HERC2: variants seen among roughly 807,000 people sequenced by gnomAD.
HERC2 encodes the protein HECT and RLD domain containing E3 ubiquitin protein ligase 2.
A neutral mutation model predicts 537.7 loss-of-function variants in HERC2; 102 were observed. The observed-to-expected ratio is 0.19, with a 90% confidence interval of 0.16 to 0.22. The LOEUF (loss-of-function observed/expected upper bound fraction) is 0.22. Ranked by LOEUF, HERC2 falls within the 10% of genes least tolerant of loss-of-function variation. HERC2 has a pLI of 1.00. For synonymous variants in HERC2, 2,224 were observed against 2,466.2 expected (o/e 0.90, Z 2.91); for missense variants, 4,236 against 6,198.2 (o/e 0.68, Z 10.63).
At chr15:28,320,444 A>C (rs2077200657) in intron 2 of HERC2, 2 of 152,174 alleles carry the variant, frequency 1.3e-5, no homozygotes, top group African/African-American at 2.4e-5. Context: ...CTGGACTCTC[A>C]TATCTACCAA....
chr15:28,270,287 AATATAG>A (rs2075685436), intron 10 of HERC2, among the ~76,000 whole-genome samples: 2 of 151,232 alleles, frequency 1.3e-5, no homozygotes. Flanking sequence ...ACAGACATGT[AATATAG>A]ATATATAATA....
intron 20 of HERC2, among the ~76,000 whole-genome samples, chr15:28,249,814 A>AC (rs1356595525): frequency 6.9e-6 from 1 of 143,914 alleles, no homozygotes; most frequent in Non-Finnish European, 1.5e-5. Flanking sequence ...CGCCAAGCTA[A>AC]CTTTTTTTTT....
chr15:28,227,985 T>G (rs540323857), intron 35 of HERC2, among the ~76,000 whole-genome samples: 18 of 152,008 alleles, frequency 1.2e-4, no homozygotes, highest in African/African-American at 4.3e-4. Flanking sequence ...GGCTAAATGG[T>G]GTGCATTTAT....
rs1895208328 is a variant in HERC2 at position 28,175,665 on chromosome 15, A to C, written c.9687-9T>G. 6.2e-7 allele frequency: 1 copy of C among 1,613,968 alleles called. No homozygotes were observed. The highest frequency in any genetic ancestry group is 1.1e-5 in the South Asian group (1 of 91,076). ...AGTAATCCCCCTTTCCCCTGAGAGA[A>C]GGCCCATGGTGGAGAGTTACAATAC... On this transcript the variant is annotated splice_polypyrimidine_tract_variant and intron_variant, in intron 63 of 92. Coordinates refer to ENST00000261609, the MANE Select transcript of HERC2 (RefSeq NM_004667.6).
chr15:28,232,792 A>G (rs1176756051), intron 30 of HERC2, among the ~76,000 whole-genome samples: 4 of 152,224 alleles, frequency 2.6e-5, no homozygotes, highest in Non-Finnish European at 5.9e-5. Context: ...ATTTCTTTAG[A>G]AGAATGGCAA....
intron 80 of HERC2, among the ~76,000 whole-genome samples, 192 bp downstream of exon 80, chr15:28,132,461 A>T (rs1346369136): frequency 6.6e-6 from 1 of 152,228 alleles, no homozygotes; most frequent in Non-Finnish European, 1.5e-5. Context: ...CCGCAGGAGG[A>T]GGTATCAGCG....
Position 28,124,130 on chromosome 15 carries a change from G to A in HERC2, c.13095C>T (p.Pro4365=). The A allele has an allele frequency of 6.2e-7, 1 of 1,604,146 alleles. No individual in the cohort carries two copies. Among genetic ancestry groups the A allele is most frequent in the Non-Finnish European group, 8.5e-7 (1 of 1,175,248 alleles). ...HLSELFCPCI[P]MFDLEGSLDE... ...CGAGCGAGCCTTCCAGGTCGAACATGGGGATGCAGGGGCAGAAGAGCTCGG... is the reference window on the plus strand; with the variant it reads ...CGAGCGAGCCTTCCAGGTCGAACATAGGGATGCAGGGGCAGAAGAGCTCGG... The change falls in exon 85 of 93, where the codon CCC becomes CCT. Residue 4365 remains proline, a synonymous_variant. Transcript: ENST00000261609.
chr15:28,262,364 C>T (rs902944881), intron 15 of HERC2, among the ~76,000 whole-genome samples: 2 of 152,152 alleles, frequency 1.3e-5, no homozygotes, highest in East Asian at 1.9e-4. Context: ...CTGCCTGCAC[C>T]GGCAGCCCAC....
Position 28,142,331 on chromosome 15 carries a change from G to T in HERC2, c.11607C>A (p.His3869Gln), listed in dbSNP as rs1204611561. The T allele has an allele frequency of 2.5e-6, 4 of 1,614,204 alleles. No homozygotes were observed. The highest frequency in any genetic ancestry group is 1.1e-5 in the South Asian group (1 of 91,082). Residue 3869 changes from histidine to glutamine, a missense_variant, in exon 76 of 93, where the codon CAC (histidine) becomes CAA (glutamine). By Grantham distance (24) the His-to-Gln change is conservative. Around this residue, in one of 27 missense-constraint regions of HERC2, gnomAD observed 156 missense variants for 172.3 expected, o/e 0.91. Transcript: ENST00000261609. ...LDTLPCCAET[H>Q]KWAWFRRYCM... ...AGTACCTCCGGAACCAGGCCCACTT[G>T]TGCGTCTCGGCACAGCAAGGCAGAG...
intron 55 of HERC2, among the ~76,000 whole-genome samples, chr15:28,187,690 A>G (rs1896444785): frequency 1.3e-5 from 2 of 152,276 alleles, no homozygotes; most frequent in Admixed American, 6.5e-5. Flanking sequence ...AGCACAAACA[A>G]TAACTCCCAT....
chr15:28,225,646 C>T (rs142912223), intron 35 of HERC2, among the ~76,000 whole-genome samples: 1,669 of 141,958 alleles, frequency 0.012, 27 homozygotes, highest in African/African-American at 0.043. Context: ...TACAGTGAGC[C>T]GAGACTGTGC....
At chr15:28,140,308 C>T (rs1213855276) in intron 78 of HERC2, among the ~76,000 whole-genome samples, 4 of 152,126 alleles carry the variant, frequency 2.6e-5, no homozygotes, top group Middle Eastern at 3.4e-3. Flanking sequence ...CACCGCAACC[C>T]CAGCCTGCAC....
chr15:28,309,551 C>G (rs2076883931), intron 2 of HERC2, among the ~76,000 whole-genome samples: 1 of 152,204 alleles, frequency 6.6e-6, no homozygotes, highest in South Asian at 2.1e-4. Context: ...GGATGGTCTT[C>G]AATTTGAAGA....
chr15:28,124,597 T>C (rs1195987470), intron 84 of HERC2, among the ~76,000 whole-genome samples: 1 of 152,178 alleles, frequency 6.6e-6, no homozygotes, highest in African/African-American at 2.4e-5. Context: ...TCTCACTCTG[T>C]CACCCAAGTA....
intron 69 of HERC2, among the ~76,000 whole-genome samples, chr15:28,161,656 T>C (rs567232037): frequency 2.1e-4 from 32 of 152,342 alleles, no homozygotes; most frequent in Admixed American, 1.8e-3. Context: ...GCACTAGCCA[T>C]ATTTCAGTGT....
At chr15:28,119,435 A>T (rs1466233025) in intron 86 of HERC2, among the ~76,000 whole-genome samples, 3 of 57,554 alleles carry the variant, frequency 5.2e-5, no homozygotes, top group Non-Finnish European at 1.3e-4. Flanking sequence ...AAAAAAAAAA[A>T]AAGGCCTGAT....
Position 28,169,506 on chromosome 15 carries a change from C to G in HERC2, c.10207G>C (p.Ala3403Pro). 1 of 1,607,580 alleles carries G rather than the reference C, an allele frequency of 6.2e-7. No homozygotes were observed. The highest frequency in any genetic ancestry group is 1.3e-5 in the African/African-American group (1 of 74,826). ...KQQALSHILTALQIMYARDAV... is the reference protein window; with the variant it reads ...KQQALSHILTPLQIMYARDAV... ...TACCTGGCATACATGATTTGCAATG[C>G]TGTAAGAATATGTGATAAGGCCTGC... Residue 3403 changes from alanine to proline, a missense_variant, in exon 66 of 93, where the codon GCA becomes CCA. By Grantham distance (27) the Ala-to-Pro change is conservative. Coordinates refer to ENST00000261609, the MANE Select transcript of HERC2 (RefSeq NM_004667.6).
chr15:28,113,698 T>C lies in HERC2; in HGVS notation c.13914-20A>G. The C allele has an allele frequency of 6.3e-7, 1 of 1,595,436 alleles. No individual in the cohort carries two copies. Among genetic ancestry groups the C allele is most frequent in the Non-Finnish European group, 8.6e-7 (1 of 1,163,532 alleles). On this transcript the variant is annotated intron_variant, in intron 90 of 92. Coordinates refer to ENST00000261609, the MANE Select transcript of HERC2 (RefSeq NM_004667.6). The surrounding 1 kb of genome is among the most constrained non-coding windows in gnomAD (Gnocchi z 7.0). ...TGGAGTCTGGAAGAAAAAGCTCACT[T>C]TACACTTCTGTCTTCAGTGACACTG...
intron 44 of HERC2, among the ~76,000 whole-genome samples, chr15:28,206,670 A>G (rs1898485896): frequency 6.6e-6 from 1 of 151,246 alleles, no homozygotes; most frequent in East Asian, 1.9e-4. Context: ...CATCTCTACT[A>G]AAAATACAAA....
Sources: gnomAD v4.1 joint callset for allele counts (sites outside exome capture counted in the v4.1 genomes callset) on GRCh38, gnomAD v4.1.1 for gene constraint, gnomAD v4.1.1 regional missense constraint, Gnocchi (gnomAD v3.1) non-coding constraint, MANE v1.5 for transcripts, NCBI Gene and HGNC (gene_info 2026-07-23, HGNC 2026-07-21) for gene names.